The following ZFAND3 variants were observed in gnomAD, a reference collection of about 807,000 sequenced individuals.
ZFAND3 encodes AN1-type zinc finger protein 3.
In ZFAND3, 10 loss-of-function variants were observed where a neutral mutation model predicts 29.6. That is an observed-to-expected ratio of 0.34 (90% CI 0.21 to 0.57). ZFAND3 has a LOEUF of 0.57. Ranked by LOEUF, ZFAND3 falls within the 20% of genes least tolerant of loss-of-function variation. ZFAND3 has a pLI of 0.86. For missense variants in ZFAND3, 230 were observed against 304.5 expected (o/e 0.76, Z 1.82); for synonymous variants, 128 against 112.6 (o/e 1.14, Z -0.87).
rs560799336 is a variant in ZFAND3, at chr6:37,867,238, C to T, written c.71+47222C>T. 1.3e-4 allele frequency among the ~76,000 whole-genome samples: 20 copies of T among 152,236 alleles called. 1 individual carries two copies. In the South Asian group the frequency reaches 3.9e-3, roughly 30 times the overall value. ...TGTGCAGTAAAGAAGCAGATCTAAC[C>T]TCATTGTGGAACTTGCTTGCTGTGG... is the stretch of plus-strand genomic sequence containing the variant. On this transcript the variant is annotated intron_variant, in intron 1 of 5. Coordinates refer to ENST00000287218, the MANE Select transcript of ZFAND3 (RefSeq NM_021943.3).
At chr6:38,017,067 T>A (rs1214794133) in intron 2 of ZFAND3, among the ~76,000 whole-genome samples, 3 of 152,202 alleles carry the variant, frequency 2.0e-5, no homozygotes, top group Non-Finnish European at 4.4e-5. Context: ...TGCTATCTGA[T>A]GAGATTTCAT....
intron 2 of ZFAND3, among the ~76,000 whole-genome samples, chr6:38,060,725 A>G (rs1013082984): frequency 1.3e-5 from 2 of 152,186 alleles, no homozygotes; most frequent in Non-Finnish European, 2.9e-5. Flanking sequence ...TGCTAAGATT[A>G]TAGGCGTGAG....
At chr6:38,028,729 C>T (rs146695425) in intron 2 of ZFAND3, among the ~76,000 whole-genome samples, 30 of 152,244 alleles carry the variant, frequency 2.0e-4, no homozygotes, top group Admixed American at 8.5e-4. Flanking sequence ...CAAGTTGTAG[C>T]TCTTTACCTT....
At chr6:37,927,584 G>A (rs1339888059) in intron 1 of ZFAND3, among the ~76,000 whole-genome samples, 1 of 152,202 alleles carries the variant, frequency 6.6e-6, no homozygotes. Flanking sequence ...AGTTCAGTTA[G>A]TTAAAACAGG....
intron 5 of ZFAND3, 75 bp downstream of exon 5, chr6:38,116,814 C>G: frequency 2.0e-6 from 3 of 1,537,446 alleles, no homozygotes; most frequent in Non-Finnish European, 2.6e-6. Flanking sequence ...ATTTAAGTGG[C>G]TGAAGTCTTT....
chr6:37,990,818 C>T (rs975691967), intron 2 of ZFAND3, among the ~76,000 whole-genome samples: 10 of 152,146 alleles, frequency 6.6e-5, no homozygotes, highest in Non-Finnish European at 1.5e-4. Context: ...CACATGGTAC[C>T]AGTTTAACCA....
intron 2 of ZFAND3, among the ~76,000 whole-genome samples, chr6:37,977,744 G>A (rs1234198117): frequency 2.0e-5 from 3 of 148,524 alleles, no homozygotes; most frequent in East Asian, 1.9e-4. Flanking sequence ...GGTTAAGGAA[G>A]CCCCCTTTTA....
intron 1 of ZFAND3, among the ~76,000 whole-genome samples, chr6:37,857,274 T>C (rs1037302254): frequency 1.3e-5 from 2 of 152,218 alleles, no homozygotes; most frequent in African/African-American, 2.4e-5. Context: ...ATCAACACAA[T>C]TGTTTATTTG....
chr6:38,020,678 A>T (rs1007629802), intron 2 of ZFAND3, among the ~76,000 whole-genome samples: 1 of 152,176 alleles, frequency 6.6e-6, no homozygotes, highest in African/African-American at 2.4e-5. Context: ...ACACAGCCTG[A>T]TATTGTCCAG....
At chr6:37,880,741 A>G (rs1367197344) in intron 1 of ZFAND3, among the ~76,000 whole-genome samples, 4 of 151,388 alleles carry the variant, frequency 2.6e-5, no homozygotes, top group South Asian at 2.1e-4. Context: ...GCTATCGTGT[A>G]TATTCTGAAA....
At chr6:38,120,510 C>T (rs1431847632) in intron 5 of ZFAND3, among the ~76,000 whole-genome samples, 2 of 151,402 alleles carry the variant, frequency 1.3e-5, no homozygotes, top group Admixed American at 1.3e-4. Flanking sequence ...TATTTTAGTA[C>T]AGACAGGGAT....
chr6:38,120,072 G>A (rs778032305), intron 5 of ZFAND3, among the ~76,000 whole-genome samples: 1 of 152,172 alleles, frequency 6.6e-6, no homozygotes, highest in Non-Finnish European at 1.5e-5. Flanking sequence ...GCATCTTAGA[G>A]CATCTTCAAT....
At chr6:37,915,926 C>A (rs992636648) in intron 1 of ZFAND3, among the ~76,000 whole-genome samples, 1 of 152,038 alleles carries the variant, frequency 6.6e-6, no homozygotes, top group African/African-American at 2.4e-5. Context: ...TGTGCCACCA[C>A]GCCCAGCTAA....
intron 1 of ZFAND3, among the ~76,000 whole-genome samples, chr6:37,834,975 C>CT (rs1763940613): frequency 6.6e-6 from 1 of 151,864 alleles, no homozygotes; most frequent in African/African-American, 2.4e-5. Flanking sequence ...TTGATGGTCA[C>CT]TTTCATTTTG....
intron 2 of ZFAND3, among the ~76,000 whole-genome samples, chr6:37,940,030 G>T (rs1232833183): frequency 2.0e-5 from 3 of 152,062 alleles, no homozygotes; most frequent in Non-Finnish European, 4.4e-5. Context: ...ACAGAGCAAG[G>T]CTCTGTCTCG....
rs1765183180 is a variant in ZFAND3 at position 38,105,180 on chromosome 6, T to G, written c.362-11392T>G. 5.3e-5 allele frequency among the ~76,000 whole-genome samples: 8 copies of G among 152,206 alleles called. No homozygotes were observed. In the South Asian group the frequency reaches 1.7e-3, roughly 31 times the overall value. On this transcript the variant is annotated intron_variant, in intron 4 of 5. Coordinates refer to ENST00000287218, the MANE Select transcript of ZFAND3 (RefSeq NM_021943.3). ...GTGTTAGTGTTCATTATTGCAATTA[T>G]TAGGAAGCTTAACTTTAAGGAATCT...
At chr6:38,092,408 C>A (rs563141854) in intron 4 of ZFAND3, among the ~76,000 whole-genome samples, 1 of 152,216 alleles carries the variant, frequency 6.6e-6, no homozygotes, top group Non-Finnish European at 1.5e-5. Context: ...CTAATTCCAG[C>A]TTTTGCGAGC....
intron 4 of ZFAND3, among the ~76,000 whole-genome samples, chr6:38,102,527 T>TA (rs1309004775): frequency 6.6e-6 from 1 of 152,134 alleles, no homozygotes; most frequent in African/African-American, 2.4e-5. Flanking sequence ...CATCTATACT[T>TA]AGAGACCAAG....
intron 1 of ZFAND3, among the ~76,000 whole-genome samples, chr6:37,850,683 A>G (rs1435161844): frequency 6.6e-6 from 1 of 152,178 alleles, no homozygotes; most frequent in Non-Finnish European, 1.5e-5. Flanking sequence ...TTTTCTAAGT[A>G]CACTGTATGG....
Sources: allele counts gnomAD v4.1 joint callset (sites outside exome capture counted in the v4.1 genomes callset), GRCh38; gene constraint gnomAD v4.1.1; transcripts MANE v1.5; gene names NCBI Gene and HGNC (gene_info 2026-07-23, HGNC 2026-07-21).